Variants in BTBD2 observed in about 807,000 individuals in gnomAD.
BTBD2 encodes the protein BTB domain containing 2, also known as BTB/POZ domain-containing protein 2.
In BTBD2, 15 loss-of-function variants were observed where a neutral mutation model predicts 44.0. The observed-to-expected ratio is 0.34, with a 90% CI of 0.23 to 0.53. BTBD2 has a LOEUF of 0.53. BTBD2 is among the 20% of genes least tolerant of loss of function. The pLI is 0.95. For missense variants in BTBD2, 657 were observed against 746.4 expected (o/e 0.88, Z 1.39); for synonymous variants, 443 against 335.9 (o/e 1.32, Z -3.49).
intron 1 of BTBD2, chr19:2,013,647 T>C: frequency 3.1e-6 from 3 of 964,004 alleles, no homozygotes; most frequent in Non-Finnish European, 3.6e-6. Flanking sequence ...CTGGCTGAGG[T>C]GGGGGTCCGG....
intron 5 of BTBD2, among the ~76,000 whole-genome samples, chr19:1,988,981 C>T (rs997704754): frequency 1.1e-4 from 17 of 152,112 alleles, no homozygotes; most frequent in African/African-American, 3.6e-4. Flanking sequence ...GGCGCGATCT[C>T]GGCTCATCAC....
In BTBD2 at chr19:1,990,086, C is replaced by A; in HGVS notation, c.906G>T (p.Thr302=). 3.7e-6 allele frequency: 6 copies of A among 1,613,070 alleles called. No individual in the cohort carries two copies. The highest frequency in any genetic ancestry group is 5.1e-6 in the Non-Finnish European group (6 of 1,180,006). Residue 302 remains threonine, a synonymous_variant, in exon 5 of 9, where the codon ACG becomes ACT. Coordinates refer to ENST00000255608, the MANE Select transcript of BTBD2 (RefSeq NM_017797.4). ...CCAGAACCTTCCGCCTGTTCTCTGGCGTCACCTGCAGCTGCTGCCGCTGAC... is the reference window on the plus strand; with the variant it reads ...CCAGAACCTTCCGCCTGTTCTCTGGAGTCACCTGCAGCTGCTGCCGCTGAC... ...AECQRQQLQV[T]PENRRKVLGK...
At chr19:2,013,568 AG>A in intron 1 of BTBD2, 1 of 987,422 alleles carries the variant, frequency 1.0e-6, no homozygotes, top group Non-Finnish European at 1.2e-6. Flanking sequence ...TCCAGGGTCC[AG>A]AGCCTGGCAG....
At chr19:1,990,559 G>A (rs1487355048) in intron 4 of BTBD2, among the ~76,000 whole-genome samples, 158 bp downstream of exon 4, 1 of 152,176 alleles carries the variant, frequency 6.6e-6, no homozygotes, top group African/African-American at 2.4e-5. Flanking sequence ...GGACTCCCGT[G>A]GGGCTGTGCT....
chr19:1,987,485 C>T lies in BTBD2; in HGVS notation c.1181+15G>A, dbSNP rs1377493431. ...CCCCATGTCCGGACCCCCCCGCCTG[C>T]ACCCCAAGCCCCACCTGATGCGGTC... On this transcript the variant is annotated intron_variant, in intron 6 of 8. Transcript: ENST00000255608. The T allele has an allele frequency of 4.5e-6, 7 of 1,541,808 alleles. No individual in the cohort carries two copies. The highest frequency in any genetic ancestry group is 4.9e-5 in the East Asian group (2 of 40,834).
At chr19:1,994,366 A>T (rs566830929) in intron 2 of BTBD2, among the ~76,000 whole-genome samples, 2 of 152,216 alleles carry the variant, frequency 1.3e-5, no homozygotes, top group African/African-American at 4.8e-5. Flanking sequence ...GCAGTGGCTC[A>T]CATCTGTAAT....
intron 2 of BTBD2, 40 bp from the exon 3 acceptor site, chr19:1,993,216 A>G (rs768539471): frequency 1.3e-6 from 2 of 1,571,984 alleles, no homozygotes; most frequent in African/African-American, 2.7e-5. Flanking sequence ...TGGGACCGCC[A>G]TGCCCGCCCC....
rs907244774 is a variant in BTBD2, at chr19:1,986,657, G to C, written c.1417-8C>G. 13 of 1,613,116 alleles carry C rather than the reference G, an allele frequency of 8.1e-6. No individual in the cohort carries two copies. The East Asian group carries it at 2.7e-4, about 33-fold the overall frequency. On this transcript the variant is annotated splice_polypyrimidine_tract_variant and splice_region_variant and intron_variant, in intron 8 of 8. Coordinates refer to ENST00000255608, the MANE Select transcript of BTBD2 (RefSeq NM_017797.4). ...GTAGTGGGAGTCTGGGCCCTGTAGG[G>C]AATAGGGGTACAGTGAGGTCAAGGA...
rs748497209 is a variant in BTBD2 at position 1,986,591 on chromosome 19, G to A, written c.1475C>T (p.Thr492Ile). Reference protein sequence around the residue: ...GLRKVTHESPTTGAKTCFTFC... With the variant: ...GLRKVTHESPITGAKTCFTFC... ...GGTGAAGCAGGTCTTGGCGCCCGTGGTGGGCGACTCGTGTGTCACCTTGCG... is the reference window on the plus strand; with the variant it reads ...GGTGAAGCAGGTCTTGGCGCCCGTGATGGGCGACTCGTGTGTCACCTTGCG... The change falls in exon 9 of 9, where the codon ACC (threonine) becomes ATC (isoleucine). Residue 492 changes from threonine (T) to isoleucine (I), a missense_variant. By Grantham distance (89) the Thr-to-Ile change is moderately conservative (BLOSUM62 -1). Around this residue, in one of 3 missense-constraint regions of BTBD2, gnomAD observed 449 missense variants for 510.9 expected, o/e 0.88. Transcript: ENST00000255608. 6 of 1,614,032 alleles carry A rather than the reference G, an allele frequency of 3.7e-6. No homozygotes were observed. Among genetic ancestry groups the A allele is most frequent in the Non-Finnish European group, 3.4e-6 (4 of 1,179,940 alleles).
intron 3 of BTBD2, 48 bp from the exon 4 acceptor site, chr19:1,990,870 G>A: frequency 6.8e-7 from 1 of 1,477,112 alleles, no homozygotes; most frequent in Non-Finnish European, 9.2e-7. Flanking sequence ...TCAGCACCCA[G>A]CCCTCGGCAG....
At chr19:2,004,574 G>A (rs1055330073) in intron 1 of BTBD2, among the ~76,000 whole-genome samples, 2 of 151,664 alleles carry the variant, frequency 1.3e-5, no homozygotes, top group African/African-American at 4.9e-5. Context: ...TGGGATTACA[G>A]GCGTGAGCCA....
At chr19:1,998,643 G>T (rs1049424763) in intron 1 of BTBD2, among the ~76,000 whole-genome samples, 19 of 152,132 alleles carry the variant, frequency 1.2e-4, no homozygotes, top group Non-Finnish European at 1.8e-4. Context: ...GTTTGGCCAG[G>T]TCTGTATGGG....
In BTBD2 at chr19:1,986,988, TGGGAAGTGGGAGGCTCAGGCCTGGGGA is replaced by T; in HGVS notation, c.1270-39_1270-13del. ...TCGGTGTGAATAATCTGCGGGGAGG[TGGGAAGTGGGAGGCTCAGGCCTGGGGA>T]GGGCCAACGGGGACCCCTCGAGGCC... On this transcript the variant is annotated splice_polypyrimidine_tract_variant and intron_variant, in intron 7 of 8. Coordinates refer to ENST00000255608, the MANE Select transcript of BTBD2 (RefSeq NM_017797.4). 1 of 1,606,244 alleles carries T rather than the reference TGGGAAGTGGGAGGCTCAGGCCTGGGGA, an allele frequency of 6.2e-7. No homozygotes were observed. Among genetic ancestry groups the T allele is most frequent in the South Asian group, 1.1e-5 (1 of 90,504 alleles).
At position 1,986,355 on chromosome 19, in the gene BTBD2, G is replaced by A. The variant is rs535451159; in HGVS notation, c.*133C>T. The A allele has an allele frequency of 3.4e-5, 38 of 1,110,062 alleles. No homozygotes were observed. The highest frequency in any genetic ancestry group is 4.3e-5 in the Non-Finnish European group (33 of 759,168). 68.8% of individuals were successfully genotyped at this position (1,110,062 alleles called of 1,614,324 possible). A position where few individuals can be genotyped will look rare whatever the true frequency, so the allele number is the denominator to read the frequency against. On this transcript the variant is annotated 3_prime_UTR_variant, in exon 9 of 9. Coordinates refer to ENST00000255608, the MANE Select transcript of BTBD2 (RefSeq NM_017797.4). ...CAACCCCGTCCTGATGCTGAGAAAG[G>A]TGGCATGGAGTGGACAGACGGCCTG... is the stretch of plus-strand genomic sequence containing the variant.
At position 1,985,954 on chromosome 19, in the gene BTBD2, C is replaced by T. The variant is rs2145612725; in HGVS notation, c.*534G>A. The T allele has an allele frequency of 6.4e-6, 1 of 156,832 alleles. No homozygotes were observed. The highest frequency in any genetic ancestry group is 1.9e-4 in the East Asian group (1 of 5,290). 9.7% of individuals were successfully genotyped at this position (156,832 alleles called of 1,614,324 possible). A position where few individuals can be genotyped will look rare whatever the true frequency, so the allele number is the denominator to read the frequency against. ...CCGGCATCCAGGCAGTGGGAACGCCCCGCAGGCTGGGCTTGGGTGGCCTCG... is the reference window on the plus strand; with the variant it reads ...CCGGCATCCAGGCAGTGGGAACGCCTCGCAGGCTGGGCTTGGGTGGCCTCG... On this transcript the variant is annotated 3_prime_UTR_variant, in exon 9 of 9. Coordinates refer to ENST00000255608, the MANE Select transcript of BTBD2 (RefSeq NM_017797.4).
chr19:1,987,028 A>G, intron 7 of BTBD2, 52 bp from the exon 8 acceptor site: 1 of 1,595,508 alleles, frequency 6.3e-7, no homozygotes, highest in Non-Finnish European at 8.6e-7. Flanking sequence ...GCCAACGGGG[A>G]CCCCTCGAGG....
chr19:2,014,927 G>A (rs561637684), intron 1 of BTBD2, among the ~76,000 whole-genome samples: 3 of 151,592 alleles, frequency 2.0e-5, no homozygotes, highest in Non-Finnish European at 2.9e-5. Flanking sequence ...GGCCTGGTGG[G>A]GTCTGGGGAC....
chr19:1,986,974 A>C lies in BTBD2; in HGVS notation c.1272T>G (p.Ile424Met). ...GPTDYQVNIQIIHTDSNTVLG... is the reference protein window; with the variant it reads ...GPTDYQVNIQMIHTDSNTVLG... ...AGACGGTGTTGCTATCGGTGTGAAT[A>C]ATCTGCGGGGAGGTGGGAAGTGGGA... Residue 424 changes from isoleucine to methionine, a missense_variant and splice_region_variant, in exon 8 of 9, where the codon ATT becomes ATG. By Grantham distance (10) the Ile-to-Met change is conservative. Around this residue, in one of 3 missense-constraint regions of BTBD2, gnomAD observed 449 missense variants for 510.9 expected, o/e 0.88. Transcript: ENST00000255608. 6.2e-7 allele frequency: 1 copy of C among 1,611,274 alleles called. No individual in the cohort carries two copies. The highest frequency in any genetic ancestry group is 8.5e-7 in the Non-Finnish European group (1 of 1,178,536).
Position 1,990,903 on chromosome 19 carries a change from A to G in BTBD2, c.685-81T>C, listed in dbSNP as rs77857181. 6.6e-3 allele frequency: 8,467 copies of G among 1,292,046 alleles called. 412 individuals are homozygous for G. In the African/African-American group the frequency reaches 0.11, roughly 17 times the overall value. 80.0% of individuals were successfully genotyped at this position (1,292,046 alleles called of 1,614,324 possible). ...CAGATCCCCAGTGCGGGGCCGGTTC[A>G]AATGCAGCCCTGACCACACGGGCCT... On this transcript the variant is annotated intron_variant, in intron 3 of 8. Transcript: ENST00000255608.
Sources: allele counts gnomAD v4.1 joint callset (sites outside exome capture counted in the v4.1 genomes callset), GRCh38; gene constraint gnomAD v4.1.1; regional missense constraint gnomAD v4.1.1; transcripts MANE v1.5; gene names NCBI Gene and HGNC (gene_info 2026-07-23, HGNC 2026-07-21).